Variants in KIF21A observed in about 807,000 individuals in gnomAD.
The protein encoded by KIF21A is kinesin-like protein KIF21A.
In KIF21A, 114 loss-of-function variants were observed where a neutral mutation model predicts 202.9. That is an observed-to-expected ratio of 0.56 (90% CI 0.48 to 0.66). KIF21A has a LOEUF of 0.66. KIF21A is among the 30% of genes least tolerant of loss of function. The pLI is 0.00. For synonymous variants in KIF21A, 667 were observed against 670.8 expected, an observed-to-expected ratio of 0.99 and a Z score of 0.09; for missense variants, 1,677 against 1,994.9, an observed-to-expected ratio of 0.84 and a Z score of 3.04.
chr12:39,416,617 GTACATATATATGTGTATATATATATA>G (rs1397133759), intron 1 of KIF21A, among the ~76,000 whole-genome samples: 1 of 121,408 alleles, frequency 8.2e-6, no homozygotes, highest in Non-Finnish European at 1.7e-5. Context: ...ATATATATAT[GTACATATATATGTGTATATATATATA>G]TGTACATATA....
At chr12:39,381,809 G>C (rs779059905) in intron 1 of KIF21A, among the ~76,000 whole-genome samples, 1 of 152,180 alleles carries the variant, frequency 6.6e-6, no homozygotes, top group Non-Finnish European at 1.5e-5. Flanking sequence ...TAACCGGTTA[G>C]AGTTAATCAA....
Position 39,423,343 on chromosome 12 carries a change from T to C in KIF21A, c.44+19584A>G, listed in dbSNP as rs115998863. ...AAGATCCCATATTCTTTGAAGCACA[T>C]GTAAGGATAGACCTTACTACCCTTC... On this transcript the variant is annotated intron_variant, in intron 1 of 37. Coordinates refer to ENST00000361418, the MANE Select transcript of KIF21A (RefSeq NM_001173464.2). 4.1e-3 allele frequency among the ~76,000 whole-genome samples: 630 copies of C among 152,160 alleles called. 7 individuals are homozygous for C. The highest frequency in any genetic ancestry group is 0.015 in the African/African-American group (614 of 41,494).
chr12:39,386,713 C>T (rs1192268995), intron 1 of KIF21A, among the ~76,000 whole-genome samples: 1 of 152,176 alleles, frequency 6.6e-6, no homozygotes, highest in Non-Finnish European at 1.5e-5. Context: ...ATAAAGCAGT[C>T]TCAGGCAGAC....
Position 39,366,436 on chromosome 12 carries a change from CA to C in KIF21A, c.816del (p.Phe272LeufsTer10). On this transcript the variant is annotated frameshift_variant, in exon 6 of 38. Transcript: ENST00000361418. LOFTEE classifies it high-confidence loss of function. The part of the protein sequence containing the change: ...EFETLTAKFH[F>X]VDLAGSERLK... The stretch of plus-strand genomic sequence containing the variant: ...AGTCTTTCAGATCCTGCGAGATCAA[CA>C]AAATGGAACTTTGCAGTCAGGGTTT... 6.2e-7 allele frequency: 1 copy of C among 1,613,954 alleles called. No individual in the cohort carries two copies. Among genetic ancestry groups the C allele is most frequent in the Middle Eastern group, 1.7e-4 (1 of 6,060 alleles).
At chr12:39,383,980 A>G (rs1950782465) in intron 1 of KIF21A, among the ~76,000 whole-genome samples, 1 of 152,120 alleles carries the variant, frequency 6.6e-6, no homozygotes, top group Admixed American at 6.6e-5. Context: ...TGCATTTCTA[A>G]TACATTTCAG....
intron 1 of KIF21A, among the ~76,000 whole-genome samples, chr12:39,372,823 C>G (rs952154890): frequency 6.6e-6 from 1 of 152,138 alleles, no homozygotes; most frequent in Non-Finnish European, 1.5e-5. Context: ...AAACCCCAAT[C>G]CTCTTTAGGA....
chr12:39,430,713 T>C (rs1170403859), intron 1 of KIF21A, among the ~76,000 whole-genome samples: 2 of 152,232 alleles, frequency 1.3e-5, no homozygotes, highest in Non-Finnish European at 2.9e-5. Context: ...CATACTGCTA[T>C]GATTTGAATG....
intron 34 of KIF21A, among the ~76,000 whole-genome samples, chr12:39,305,606 A>G (rs1182447621): frequency 2.6e-5 from 4 of 152,154 alleles, no homozygotes; most frequent in Non-Finnish European, 5.9e-5. Flanking sequence ...AATATAATCT[A>G]TGATGCAAAC....
intron 37 of KIF21A, among the ~76,000 whole-genome samples, chr12:39,300,124 A>C (rs1942830259): frequency 6.6e-6 from 1 of 152,084 alleles, no homozygotes; most frequent in South Asian, 2.1e-4. Context: ...AAAAAAGAAA[A>C]ATTTTAGCTC....
chr12:39,435,444 A>G (rs2140415394), intron 1 of KIF21A, among the ~76,000 whole-genome samples: 1 of 152,342 alleles, frequency 6.6e-6, no homozygotes, highest in East Asian at 1.9e-4. Context: ...GCATGACATC[A>G]GTCTAGAAAA....
intron 29 of KIF21A, 111 bp downstream of exon 29, chr12:39,317,962 C>T (rs1592109155): frequency 3.6e-6 from 4 of 1,112,100 alleles, no homozygotes; most frequent in African/African-American, 3.1e-5. Flanking sequence ...CAAGAGTTCA[C>T]ACGTCAGGCT....
Position 39,331,722 on chromosome 12 carries a change from G to A in KIF21A, c.3121C>T (p.Leu1041=), listed in dbSNP as rs761108229. ...ACTLTEARYL[L]DHFLSMGINK... The stretch of plus-strand genomic sequence containing the variant: ...ATGCCCATTGACAGGAAGTGATCTA[G>A]CAGGTATCGGGCTTCTGTAAGGGTG... The change falls in exon 22 of 38, where the codon CTA becomes TTA. Residue 1041 remains leucine (L), a synonymous_variant. Transcript: ENST00000361418. 1 of 1,613,084 alleles carries A rather than the reference G, an allele frequency of 6.2e-7. No individual in the cohort carries two copies. Among genetic ancestry groups the A allele is most frequent in the Non-Finnish European group, 8.5e-7 (1 of 1,179,244 alleles).
chr12:39,364,012 C>T (rs768348050), intron 6 of KIF21A, among the ~76,000 whole-genome samples: 6 of 152,054 alleles, frequency 3.9e-5, no homozygotes, highest in East Asian at 1.9e-4. Flanking sequence ...AGTGAGACCC[C>T]GCCTCAAAAT....
chr12:39,368,597 GACA>G (rs1453298803), intron 3 of KIF21A, among the ~76,000 whole-genome samples: 2 of 151,988 alleles, frequency 1.3e-5, no homozygotes, highest in Admixed American at 6.6e-5. Context: ...TACAATGCCT[GACA>G]ACATTTTGGA....
rs1159274836 is a variant in KIF21A at position 39,366,398 on chromosome 12, T to A, written c.855A>T (p.Gly285=). The change falls in exon 6 of 38, where the codon GGA becomes GGT. Residue 285 remains glycine, a synonymous_variant. Transcript: ENST00000361418. ...CTTCTTTTGCCCTCTCGCCTGTAGCTCCAGTACGCTTCAGTCTTTCAGATC... is the reference window on the plus strand; with the variant it reads ...CTTCTTTTGCCCTCTCGCCTGTAGCACCAGTACGCTTCAGTCTTTCAGATC... The part of the protein sequence containing the change: ...LAGSERLKRT[G]ATGERAKEGI... 1 of 1,614,026 alleles carries A rather than the reference T, an allele frequency of 6.2e-7. No individual in the cohort carries two copies.
chr12:39,372,030 T>TA (rs1486425101), intron 1 of KIF21A, among the ~76,000 whole-genome samples: 8 of 147,178 alleles, frequency 5.4e-5, no homozygotes, highest in African/African-American at 1.9e-4. Context: ...TTTGTGAAAT[T>TA]TAAAAAAAAA....
intron 24 of KIF21A, chr12:39,329,920 G>A (rs374584290): frequency 2.6e-4 from 60 of 232,050 alleles, no homozygotes; most frequent in African/African-American, 1.3e-3. Context: ...AAATTTTAAC[G>A]GAACATAAAT....
In KIF21A at chr12:39,437,225, C is replaced by T. The variant is rs1031852861; in HGVS notation, c.44+5702G>A. On this transcript the variant is annotated intron_variant, in intron 1 of 37. Transcript: ENST00000361418. ...ACTGGAATTTCTAGTGCATCATTCA[C>T]TACCCCATAATTAGGCATCAAAATA... 3.9e-5 allele frequency among the ~76,000 whole-genome samples: 6 copies of T among 152,286 alleles called. No homozygotes were observed. In the East Asian group the frequency reaches 1.2e-3, roughly 29 times the overall value.
chr12:39,424,624 G>A (rs1176022098), intron 1 of KIF21A, among the ~76,000 whole-genome samples: 3 of 152,080 alleles, frequency 2.0e-5, no homozygotes, highest in South Asian at 2.1e-4. Context: ...AAAGCCCCAA[G>A]CCTAAGAATC....
Sources: allele counts gnomAD v4.1 joint callset (sites outside exome capture counted in the v4.1 genomes callset), GRCh38; gene constraint gnomAD v4.1.1; transcripts MANE v1.5; gene names NCBI Gene and HGNC (gene_info 2026-07-23, HGNC 2026-07-21).